USB1: variants seen among roughly 807,000 people sequenced by gnomAD.
USB1 encodes U6 snRNA biogenesis phosphodiesterase 1.
A neutral mutation model predicts 29.9 loss-of-function variants in USB1; 21 were observed. The ratio of observed to expected loss-of-function variants is 0.70; its 90% CI spans 0.50 to 1.01. The LOEUF (loss-of-function observed/expected upper bound fraction) is 1.01. Ranked by LOEUF, USB1 falls within the 50% of genes least tolerant of loss-of-function variation. The pLI is 0.00. For synonymous variants in USB1, 143 were observed against 134.9 expected (o/e 1.06, Z -0.42); for missense variants, 330 against 347.1 (o/e 0.95, Z 0.39).
At chr16:58,012,105 G>A in intron 3 of USB1, 1 of 1,392,988 alleles carries the variant, frequency 7.2e-7, no homozygotes. Flanking sequence ...CATAGGCCCA[G>A]GAATTCCATA....
intron 5 of USB1, 88 bp downstream of exon 5, chr16:58,017,527 G>A (rs140445500): frequency 2.2e-5 from 28 of 1,250,052 alleles, no homozygotes; most frequent in East Asian, 2.2e-4. Context: ...GAGGCAAACC[G>A]AAGACCCTTC....
In USB1 at chr16:58,013,428, T is replaced by C; in HGVS notation, c.450-845T>C. The C allele has an allele frequency of 1.0e-6, 1 of 985,474 alleles. No individual in the cohort carries two copies. Among genetic ancestry groups the C allele is most frequent in the Non-Finnish European group, 1.2e-6 (1 of 829,974 alleles). 61.0% of individuals were successfully genotyped at this position (985,474 alleles called of 1,614,324 possible). On this transcript the variant is annotated intron_variant, in intron 3 of 6. Transcript: ENST00000219281. The surrounding 1 kb of genome is among the most constrained non-coding windows in gnomAD (Gnocchi z 4.3). ...CTCTACCCAGCATGCTGGTATATTA[T>C]GTTCCCTCAGATGGGGGTGAGACCC...
Position 58,001,452 on chromosome 16 carries a change from G to A in USB1, c.-32G>A. On this transcript the variant is annotated 5_prime_UTR_variant, in exon 1 of 7. Transcript: ENST00000219281. ...CCGGGTGCCGGTTGAGGTTGCTGGT[G>A]GACCTGCTCTGGTGGTCTTGGATGA... 1 of 1,575,502 alleles carries A rather than the reference G, an allele frequency of 6.3e-7. No homozygotes were observed. Among genetic ancestry groups the A allele is most frequent in the Non-Finnish European group, 8.6e-7 (1 of 1,161,566 alleles).
At position 58,001,653 on chromosome 16, in the gene USB1, G is replaced by A; in HGVS notation, c.98+72G>A. ...GAGCCAGACGGGACCCGAATGTCTG[G>A]GGGTGGAGTGGGGAGGGAGGATGCG... On this transcript the variant is annotated intron_variant, in intron 1 of 6. Transcript: ENST00000219281. The A allele has an allele frequency of 2.7e-6, 4 of 1,500,636 alleles. No individual in the cohort carries two copies. The South Asian group carries it at 3.6e-5, about 14-fold the overall frequency. The allele number at this position is 1,500,636 out of a possible 1,614,324, so 93.0% of individuals were successfully genotyped here. A position where few individuals can be genotyped will look rare whatever the true frequency, so the allele number is the denominator to read the frequency against.
intron 2 of USB1, among the ~76,000 whole-genome samples, chr16:58,009,522 A>G (rs1052811201): frequency 6.6e-6 from 1 of 152,008 alleles, no homozygotes; most frequent in African/African-American, 2.4e-5. Context: ...GATCGAGACC[A>G]TCCTGGCTAA....
In USB1 at chr16:58,001,497, C is replaced by A; in HGVS notation, c.14C>A (p.Pro5His). 6.2e-7 allele frequency: 1 copy of A among 1,603,822 alleles called. No individual in the cohort carries two copies. The highest frequency in any genetic ancestry group is 2.3e-5 in the East Asian group (1 of 44,362). Residue 5 changes from proline to histidine, a missense_variant, in exon 1 of 7, where the codon CCC (proline) becomes CAC (histidine). Pro to His is a moderately conservative substitution (Grantham distance 77). Transcript: ENST00000219281. Reference protein sequence around the residue: MSAAPLVGYSSSGSE... With the variant: MSAAHLVGYSSSGSE... ...GGATGAGGCCCCATGAGCGCGGCGC[C>A]CCTGGTGGGCTACAGCAGCAGCGGC...
chr16:58,012,423 G>A, intron 3 of USB1: 1 of 1,317,890 alleles, frequency 7.6e-7, no homozygotes, highest in Non-Finnish European at 1.1e-6. Context: ...ACTGGCTCAT[G>A]CATGAGTGGA....
At position 58,013,427 on chromosome 16, in the gene USB1, A is replaced by T. The variant is rs1963542675; in HGVS notation, c.450-846A>T. 1.6e-5 allele frequency: 16 copies of T among 985,310 alleles called. No homozygotes were observed. The highest frequency in any genetic ancestry group is 1.9e-5 in the Non-Finnish European group (16 of 829,940). The allele number at this position is 985,310 out of a possible 1,614,324, so 61.0% of individuals were successfully genotyped here. On this transcript the variant is annotated intron_variant, in intron 3 of 6. Transcript: ENST00000219281. This position sits in a 1 kb window ranked among gnomAD's most constrained non-coding sequence, Gnocchi z 4.3. ...GCTCTACCCAGCATGCTGGTATATT[A>T]TGTTCCCTCAGATGGGGGTGAGACC... is the stretch of plus-strand genomic sequence containing the variant.
chr16:58,017,352 G>A lies in USB1; in HGVS notation c.522G>A (p.Glu174=). 4 of 1,614,168 alleles carry A rather than the reference G, an allele frequency of 2.5e-6. No individual in the cohort carries two copies. The highest frequency in any genetic ancestry group is 3.4e-6 in the Non-Finnish European group (4 of 1,180,026). The change falls in exon 5 of 7, where the codon GAG becomes GAA. Residue 174 remains glutamate, a synonymous_variant. Coordinates refer to ENST00000219281, the MANE Select transcript of USB1 (RefSeq NM_024598.4). The part of the protein sequence containing the change: ...QEKTRTFIGL[E]VTSGHAQFLD... ...TCCCCAGGACCTTTATTGGGCTTGA[G>A]GTCACTTCAGGGCATGCCCAGTTCC...
At position 58,013,702 on chromosome 16, in the gene USB1, A is replaced by G; in HGVS notation, c.450-571A>G. Reference sequence around the variant, plus strand: ...CAACAAGGACTCTGGAAACAGGCAGACTGACTGTTCCAATCCTGGCTCACC... The same window carrying G: ...CAACAAGGACTCTGGAAACAGGCAGGCTGACTGTTCCAATCCTGGCTCACC... On this transcript the variant is annotated intron_variant, in intron 3 of 6. Transcript: ENST00000219281. This position sits in a 1 kb window ranked among gnomAD's most constrained non-coding sequence, Gnocchi z 4.3. The G allele has an allele frequency of 1.2e-6, 1 of 844,338 alleles. No individual in the cohort carries two copies. The highest frequency in any genetic ancestry group is 1.4e-6 in the Non-Finnish European group (1 of 699,358). The allele number at this position is 844,338 out of a possible 1,614,324, so 52.3% of individuals were successfully genotyped here.
At chr16:58,015,556 C>T (rs1034548830) in intron 4 of USB1, 3 of 152,138 alleles carry the variant, frequency 2.0e-5, no homozygotes, top group African/African-American at 7.2e-5. Flanking sequence ...ACTAAGGATT[C>T]ATCAGTGAAG....
At chr16:58,002,134 C>T (rs1292075856) in intron 1 of USB1, among the ~76,000 whole-genome samples, 2 of 152,224 alleles carry the variant, frequency 1.3e-5, no homozygotes, top group Non-Finnish European at 2.9e-5. Context: ...CATATACTTT[C>T]AGATGAGGCA....
rs376388970 is a variant in USB1, at chr16:58,020,821, T to C, written c.*576T>C. On this transcript the variant is annotated 3_prime_UTR_variant, in exon 7 of 7. Transcript: ENST00000219281. ...TTGTGGGTTGCAGGTTGGGTGCTGC[T>C]GTTGTGGTCCTTCCCAGAAACTGCC... The C allele has an allele frequency of 9.2e-5, 16 of 173,934 alleles. No homozygotes were observed. The highest frequency in any genetic ancestry group is 3.6e-4 in the African/African-American group (15 of 42,046). The allele number at this position is 173,934 out of a possible 1,614,324, so 10.8% of individuals were successfully genotyped here. A position where few individuals can be genotyped will look rare whatever the true frequency, so the allele number is the denominator to read the frequency against.
In USB1 at chr16:58,002,058, C is replaced by T. The variant is rs577308240; in HGVS notation, c.99-421C>T. 6.6e-4 allele frequency among the ~76,000 whole-genome samples: 101 copies of T among 152,304 alleles called. 4 individuals carry two copies. In the South Asian group the frequency reaches 0.02, roughly 31 times the overall value. On this transcript the variant is annotated intron_variant, in intron 1 of 6. Coordinates refer to ENST00000219281, the MANE Select transcript of USB1 (RefSeq NM_024598.4). Reference sequence around the variant, plus strand: ...GGGCTTAGATTCTTAAATGCTAGGCCTTATCTTTGCTGAGTGCTTTACAAG... The same window carrying T: ...GGGCTTAGATTCTTAAATGCTAGGCTTTATCTTTGCTGAGTGCTTTACAAG...
At chr16:58,005,586 G>C (rs1963331930) in intron 2 of USB1, among the ~76,000 whole-genome samples, 2 of 152,172 alleles carry the variant, frequency 1.3e-5, no homozygotes, top group Non-Finnish European at 2.9e-5. Context: ...TTGGAATAAA[G>C]AGTAATTGCT....
intron 4 of USB1, 103 bp from the exon 5 acceptor site, chr16:58,017,231 C>CG: frequency 9.9e-7 from 1 of 1,012,594 alleles, no homozygotes; most frequent in Non-Finnish European, 1.6e-6. Context: ...GTGAGACCCA[C>CG]GGCCCAGGCC....
chr16:58,006,361 A>AC (rs1963356265), intron 2 of USB1, among the ~76,000 whole-genome samples: 1 of 144,946 alleles, frequency 6.9e-6, no homozygotes, highest in Non-Finnish European at 1.5e-5. Flanking sequence ...TCAAAAAAAA[A>AC]AAAAAACAAA....
chr16:58,014,247 C>G, intron 3 of USB1, 26 bp from the exon 4 acceptor site: 1 of 1,595,374 alleles, frequency 6.3e-7, no homozygotes, highest in Non-Finnish European at 8.6e-7. Flanking sequence ...ACGATTTTTC[C>G]TGAAATATGG....
chr16:58,010,047 T>C lies in USB1; in HGVS notation c.384T>C (p.Val128=). ...VFHLSLSQSV[V]LRHHWILPFV... is the part of the protein sequence containing the mutation. ...ACCTCAGCCTGTCCCAGAGTGTGGT[T>C]CTGCGCCACCACTGGATCCTCCCCT... The change falls in exon 3 of 7, where the codon GTT becomes GTC. Residue 128 remains valine, a synonymous_variant. Transcript: ENST00000219281. 6.2e-7 allele frequency: 1 copy of C among 1,614,124 alleles called. No homozygotes were observed. The highest frequency in any genetic ancestry group is 8.5e-7 in the Non-Finnish European group (1 of 1,180,028).
Sources: allele counts gnomAD v4.1 joint callset (sites outside exome capture counted in the v4.1 genomes callset), GRCh38; gene constraint gnomAD v4.1.1; non-coding constraint Gnocchi (gnomAD v3.1); transcripts MANE v1.5; gene names NCBI Gene and HGNC (gene_info 2026-07-23, HGNC 2026-07-21).